Variants in GABPB1 observed in about 807,000 individuals in gnomAD.
GABPB1 encodes GA-binding protein subunit beta-1.
GABPB1 carries 15 observed loss-of-function variants against 45.9 expected under a neutral mutation model. The ratio of observed to expected loss-of-function variants is 0.33; its 90% CI spans 0.22 to 0.50. The LOEUF (loss-of-function observed/expected upper bound fraction) is 0.50, where lower values mean the gene tolerates loss of function less well. GABPB1 is among the 20% of genes least tolerant of loss of function. The pLI is 0.98. For synonymous variants in GABPB1, 143 were observed against 154.4 expected, an observed-to-expected ratio of 0.93 and a Z score of 0.55; for missense variants, 252 against 457.5, an observed-to-expected ratio of 0.55 and a Z score of 4.10.
At chr15:50,332,712 T>C (rs1055262060) in intron 1 of GABPB1, among the ~76,000 whole-genome samples, 2 of 152,164 alleles carry the variant, frequency 1.3e-5, no homozygotes, top group Non-Finnish European at 2.9e-5. Flanking sequence ...GGATTCATTA[T>C]ACTCTTCTCT....
intron 1 of GABPB1, among the ~76,000 whole-genome samples, chr15:50,325,170 T>G (rs559984609): frequency 6.6e-6 from 1 of 152,168 alleles, no homozygotes; most frequent in East Asian, 1.9e-4. Context: ...CAGGATGAAA[T>G]TGTTTCCATG....
rs546514121 is a variant in GABPB1 at position 50,291,617 on chromosome 15, C to A, written c.698-1949G>T. ...CTAGGATTACAGGCGTAAGCCACCA[C>A]GCCCAGCCTGAATTTTAAAAAATCT... On this transcript the variant is annotated intron_variant, in intron 6 of 8. Transcript: ENST00000380877. 2.4e-4 allele frequency among the ~76,000 whole-genome samples: 37 copies of A among 151,906 alleles called. No individual in the cohort carries two copies. In the East Asian group the frequency reaches 7.0e-3, roughly 29 times the overall value.
At chr15:50,320,550 C>CAGG (rs1442395266) in intron 1 of GABPB1, among the ~76,000 whole-genome samples, 3 of 152,184 alleles carry the variant, frequency 2.0e-5, no homozygotes, top group Non-Finnish European at 4.4e-5. Context: ...TGGAGTGTGA[C>CAGG]AGGCTGAATA....
intron 1 of GABPB1, chr15:50,353,552 T>C (rs932841890): frequency 6.6e-5 from 10 of 151,486 alleles, no homozygotes; most frequent in Admixed American, 2.6e-4. Flanking sequence ...TATGTTAACA[T>C]GTAATGGATT....
intron 8 of GABPB1, among the ~76,000 whole-genome samples, chr15:50,280,416 A>G (rs1402940996): frequency 1.3e-5 from 2 of 152,160 alleles, no homozygotes; most frequent in Non-Finnish European, 2.9e-5. Context: ...GAGCTAGACC[A>G]CAGCTCTGGC....
chr15:50,300,809 G>C lies in GABPB1; in HGVS notation c.677C>G (p.Ser226Cys). The change falls in exon 6 of 9, where the codon TCC becomes TGC. Residue 226 changes from serine to cysteine, a missense_variant. By Grantham distance (112) the Ser-to-Cys change is moderately radical (BLOSUM62 -1). Around this residue, in one of 4 missense-constraint regions of GABPB1, gnomAD observed 193 missense variants for 259.9 expected, o/e 0.74. Transcript: ENST00000380877. ...AALAEASAPL[S>C]NSSETPVVAT... ...CTAACCTGGAGTTTCTGAAGAATTG[G>C]ACAATGGAGCAGATGCTTCAGCTAA... 1 of 1,609,232 alleles carries C rather than the reference G, an allele frequency of 6.2e-7. No homozygotes were observed. Among genetic ancestry groups the C allele is most frequent in the Non-Finnish European group, 8.5e-7 (1 of 1,175,648 alleles).
chr15:50,290,799 C>T (rs892477581), intron 6 of GABPB1, among the ~76,000 whole-genome samples: 6 of 152,052 alleles, frequency 3.9e-5, no homozygotes, highest in African/African-American at 9.7e-5. Flanking sequence ...ATAAAATCCC[C>T]AAATATGCTC....
At chr15:50,331,624 T>G (rs1021391362) in intron 1 of GABPB1, among the ~76,000 whole-genome samples, 1 of 151,834 alleles carries the variant, frequency 6.6e-6, no homozygotes, top group Admixed American at 6.6e-5. Context: ...AACAGGAGAG[T>G]GTTGTGATGT....
At position 50,276,226 on chromosome 15, in the gene GABPB1, A is replaced by G. The variant is rs886099826; in HGVS notation, c.*2406T>C. Reference sequence around the variant, plus strand: ...GTGGATTTCTGAAAACTTTTATTTCATATACTTTTATTTTTGTCAGTTCTT... The same window carrying G: ...GTGGATTTCTGAAAACTTTTATTTCGTATACTTTTATTTTTGTCAGTTCTT... On this transcript the variant is annotated 3_prime_UTR_variant, in exon 9 of 9. Transcript: ENST00000380877. 2.0e-5 allele frequency: 3 copies of G among 152,348 alleles called. No homozygotes were observed. The highest frequency in any genetic ancestry group is 4.4e-5 in the Non-Finnish European group (3 of 68,022). The allele number at this position is 152,348 out of a possible 1,614,324, so 9.4% of individuals were successfully genotyped here.
intron 1 of GABPB1, among the ~76,000 whole-genome samples, chr15:50,329,998 T>G (rs556762175): frequency 6.6e-6 from 1 of 151,732 alleles, no homozygotes; most frequent in African/African-American, 2.4e-5. Flanking sequence ...CCTCGACCTC[T>G]CAGATTCAGG....
chr15:50,300,964 A>T, intron 5 of GABPB1, 62 bp from the exon 6 acceptor site: 1 of 1,040,836 alleles, frequency 9.6e-7, no homozygotes, highest in Non-Finnish European at 1.5e-6. Context: ...CATATTTCTG[A>T]TATTCTATTT....
At position 50,348,043 on chromosome 15, in the gene GABPB1, GA is replaced by G. The variant is rs763521486; in HGVS notation, c.-1+6941del. 8.6e-4 allele frequency among the ~76,000 whole-genome samples: 98 copies of G among 113,648 alleles called. 1 individual carries two copies. The highest frequency in any genetic ancestry group is 1.6e-3 in the African/African-American group (38 of 24,190). The allele number at this position is 113,648 out of a possible 152,430, so 74.6% of individuals were successfully genotyped here. On this transcript the variant is annotated intron_variant, in intron 1 of 8. Transcript: ENST00000380877. ...GGGTGACAGAGTGAAACTCCATCTGGAAAAAAAAAAAAAGAATCACTACTAT... is the reference window on the plus strand; with the variant it reads ...GGGTGACAGAGTGAAACTCCATCTGGAAAAAAAAAAAAGAATCACTACTAT...
rs1295207541 is a variant in GABPB1 at position 50,317,857 on chromosome 15, C to G, written c.1-8059G>C. On this transcript the variant is annotated intron_variant, in intron 1 of 8. Transcript: ENST00000380877. ...CCGGGAGGCGGAGCTTGCAGTGAGC[C>G]GAGATCGCGCCACCGCACTCCAGCC... Among the ~76,000 whole-genome samples, 3 of 150,430 alleles carry G rather than the reference C, an allele frequency of 2.0e-5. No homozygotes were observed. The East Asian group carries it at 5.9e-4, about 29-fold the overall frequency.
intron 1 of GABPB1, chr15:50,354,275 G>A: frequency 7.5e-6 from 3 of 402,128 alleles, no homozygotes; most frequent in Non-Finnish European, 1.5e-5. Context: ...TGGGGCAGAA[G>A]TCCCGAGCCT....
At chr15:50,330,582 A>G (rs1210686781) in intron 1 of GABPB1, among the ~76,000 whole-genome samples, 1 of 147,092 alleles carries the variant, frequency 6.8e-6, no homozygotes, top group Non-Finnish European at 1.5e-5. Flanking sequence ...TCCTCATCCC[A>G]TACACACTTA....
At position 50,318,243 on chromosome 15, in the gene GABPB1, C is replaced by A. The variant is rs115628797; in HGVS notation, c.1-8445G>T. On this transcript the variant is annotated intron_variant, in intron 1 of 8. Transcript: ENST00000380877. The stretch of plus-strand genomic sequence containing the variant: ...AATCAGACCCTTATTCTCAATTCTT[C>A]CTGTGTTCTAAGTTGAAGAACACTA... Among the ~76,000 whole-genome samples the A allele has an allele frequency of 4.0e-3, 607 of 152,248 alleles. 3 individuals carry two copies. Among genetic ancestry groups the A allele is most frequent in the African/African-American group, 0.014 (580 of 41,544 alleles).
At chr15:50,295,770 C>T (rs2046489170) in intron 6 of GABPB1, among the ~76,000 whole-genome samples, 1 of 152,126 alleles carries the variant, frequency 6.6e-6, no homozygotes, top group Admixed American at 6.6e-5. Flanking sequence ...TTCCCCTCCA[C>T]CACACCCACC....
At chr15:50,283,456 C>A (rs1023160839) in intron 8 of GABPB1, among the ~76,000 whole-genome samples, 1 of 151,684 alleles carries the variant, frequency 6.6e-6, no homozygotes, top group Non-Finnish European at 1.5e-5. Flanking sequence ...TTTCCAGAGA[C>A]TCTTGGCAAA....
intron 1 of GABPB1, chr15:50,354,678 C>T: frequency 2.4e-6 from 1 of 416,972 alleles, no homozygotes; most frequent in Non-Finnish European, 4.7e-6. Context: ...GCCGGGTAGC[C>T]GCGAGGCGGC....
Sources: allele counts gnomAD v4.1 joint callset (sites outside exome capture counted in the v4.1 genomes callset), GRCh38; gene constraint gnomAD v4.1.1; regional missense constraint gnomAD v4.1.1; transcripts MANE v1.5; gene names NCBI Gene and HGNC (gene_info 2026-07-23, HGNC 2026-07-21).